ASIC2: variants seen among roughly 807,000 people sequenced by gnomAD.
ASIC2 encodes acid sensing ion channel subunit 2, also known as acid-sensing ion channel 2.
In ASIC2, 25 loss-of-function variants were observed where a neutral mutation model predicts 57.3. That is an observed-to-expected ratio of 0.44 (90% confidence interval 0.32 to 0.61). The LOEUF is 0.61. Ranked by LOEUF, ASIC2 falls within the 20% of genes least tolerant of loss-of-function variation. ASIC2 has a pLI of 0.06. For synonymous variants in ASIC2, 319 were observed against 307.5 expected (o/e 1.04, Z -0.39); for missense variants, 641 against 738.1 (o/e 0.87, Z 1.52).
At chr17:33,209,677 C>A (rs139524196) in intron 1 of ASIC2, among the ~76,000 whole-genome samples, 1 of 152,340 alleles carries the variant, frequency 6.6e-6, no homozygotes, top group Non-Finnish European at 1.5e-5. Flanking sequence ...TGCTTATGAT[C>A]ATATCCTTAG....
At chr17:33,912,002 TGGTG>T (rs1915476787) in intron 1 of ASIC2, among the ~76,000 whole-genome samples, 1 of 151,096 alleles carries the variant, frequency 6.6e-6, no homozygotes, top group Admixed American at 6.6e-5. Context: ...TAGTGGGGCG[TGGTG>T]GTGTATGCCT....
chr17:33,686,437 T>C (rs1169583964), intron 1 of ASIC2, among the ~76,000 whole-genome samples: 1 of 152,098 alleles, frequency 6.6e-6, no homozygotes, highest in Non-Finnish European at 1.5e-5. Context: ...AGTATGTAAT[T>C]CTGTACAAAG....
chr17:33,436,417 T>C (rs1265687950), intron 1 of ASIC2, among the ~76,000 whole-genome samples: 1 of 152,224 alleles, frequency 6.6e-6, no homozygotes, highest in Non-Finnish European at 1.5e-5. Context: ...GAACTGAAGA[T>C]TGGTCATTTG....
chr17:33,721,187 C>T (rs1909378150), intron 1 of ASIC2, among the ~76,000 whole-genome samples: 1 of 152,190 alleles, frequency 6.6e-6, no homozygotes, highest in Non-Finnish European at 1.5e-5. Context: ...TAACTTGTTG[C>T]ACAGTCTCTG....
At chr17:34,096,713 C>T (rs1158187651) in intron 1 of ASIC2, among the ~76,000 whole-genome samples, 2 of 151,668 alleles carry the variant, frequency 1.3e-5, no homozygotes, top group African/African-American at 2.4e-5. Flanking sequence ...AGAAGTTAGC[C>T]GGGCAGGGTG....
At chr17:33,934,083 C>A (rs776432858) in intron 1 of ASIC2, among the ~76,000 whole-genome samples, 1 of 152,210 alleles carries the variant, frequency 6.6e-6, no homozygotes, top group Non-Finnish European at 1.5e-5. Flanking sequence ...ATTGAACAGA[C>A]TAATTCCTGC....
At chr17:33,244,690 T>G (rs918109208) in intron 1 of ASIC2, among the ~76,000 whole-genome samples, 1 of 152,162 alleles carries the variant, frequency 6.6e-6, no homozygotes, top group Admixed American at 6.5e-5. Context: ...CCCTTGGCTC[T>G]TAGAGGATCC....
At position 33,810,897 on chromosome 17, in the gene ASIC2, G is replaced by T. The variant is rs550358861; in HGVS notation, c.555+345081C>A. On this transcript the variant is annotated intron_variant, in intron 1 of 9. Transcript: ENST00000359872. ...CATACACACACACACACACACACAC[G>T]TGCATTCACACACACACTCCAGTAT... 3.7e-5 allele frequency among the ~76,000 whole-genome samples: 4 copies of T among 109,212 alleles called. No homozygotes were observed. In the East Asian group the frequency reaches 8.8e-4, roughly 24 times the overall value. 71.6% of individuals were successfully genotyped at this position (109,212 alleles called of 152,430 possible). A position where few individuals can be genotyped will look rare whatever the true frequency, so the allele number is the denominator to read the frequency against.
intron 1 of ASIC2, among the ~76,000 whole-genome samples, chr17:33,426,680 A>C (rs1911230965): frequency 1.3e-5 from 2 of 152,158 alleles, no homozygotes; most frequent in African/African-American, 4.8e-5. Flanking sequence ...TCTATTCACA[A>C]ACATTGATTC....
At chr17:33,166,600 G>A (rs1905314366) in intron 1 of ASIC2, among the ~76,000 whole-genome samples, 1 of 152,174 alleles carries the variant, frequency 6.6e-6, no homozygotes, top group Non-Finnish European at 1.5e-5. Flanking sequence ...ACCCCTGGGT[G>A]AAGGCAAGAC....
chr17:33,256,550 G>A (rs749352999), intron 1 of ASIC2, among the ~76,000 whole-genome samples: 5 of 152,250 alleles, frequency 3.3e-5, no homozygotes, highest in Admixed American at 6.5e-5. Context: ...GGCCAGGCAC[G>A]GTGGCTCACA....
chr17:33,735,071 C>T (rs1909868962), intron 1 of ASIC2, among the ~76,000 whole-genome samples: 1 of 152,270 alleles, frequency 6.6e-6, no homozygotes, highest in East Asian at 1.9e-4. Context: ...ATGATTCTCT[C>T]CTCTTACTCA....
intron 1 of ASIC2, among the ~76,000 whole-genome samples, chr17:34,139,195 A>C (rs1416350024): frequency 6.6e-6 from 1 of 152,212 alleles, no homozygotes; most frequent in Non-Finnish European, 1.5e-5. Flanking sequence ...ATCTTAGCCA[A>C]ATGATCAAAA....
chr17:33,899,965 C>A (rs1915195655), intron 1 of ASIC2, among the ~76,000 whole-genome samples: 1 of 152,164 alleles, frequency 6.6e-6, no homozygotes, highest in African/African-American at 2.4e-5. Flanking sequence ...GTAAATGGTA[C>A]AATATCTTAT....
chr17:33,313,864 G>A (rs1234273510), intron 1 of ASIC2, among the ~76,000 whole-genome samples: 1 of 152,068 alleles, frequency 6.6e-6, no homozygotes, highest in Non-Finnish European at 1.5e-5. Flanking sequence ...CAGAAGTGAT[G>A]GTGGCAGAGA....
At chr17:33,515,410 A>G (rs1914535703) in intron 1 of ASIC2, among the ~76,000 whole-genome samples, 1 of 152,198 alleles carries the variant, frequency 6.6e-6, no homozygotes, top group South Asian at 2.1e-4. Flanking sequence ...CAGCTCTGGC[A>G]CCAAACTCAC....
chr17:33,407,659 G>A (rs544435772), intron 1 of ASIC2, among the ~76,000 whole-genome samples: 1 of 152,338 alleles, frequency 6.6e-6, no homozygotes, highest in South Asian at 2.1e-4. Context: ...TAATGAAACA[G>A]TCTGATTAGA....
intron 1 of ASIC2, among the ~76,000 whole-genome samples, chr17:34,099,184 G>T (rs1405559886): frequency 5.2e-5 from 3 of 58,226 alleles, no homozygotes; most frequent in African/African-American, 1.4e-4. Context: ...AAGAAAGAAA[G>T]AAAGAAAGAA....
At chr17:33,060,767 A>G (rs914941095) in intron 3 of ASIC2, among the ~76,000 whole-genome samples, 1 of 152,064 alleles carries the variant, frequency 6.6e-6, no homozygotes, top group African/African-American at 2.4e-5. Context: ...GGCCATTTTC[A>G]CGATATTGAT....
Sources: allele counts gnomAD v4.1 joint callset (sites outside exome capture counted in the v4.1 genomes callset), GRCh38; gene constraint gnomAD v4.1.1; transcripts MANE v1.5; gene names NCBI Gene and HGNC (gene_info 2026-07-23, HGNC 2026-07-21).